The following BMS1 variants were observed in gnomAD, a reference collection of about 807,000 sequenced individuals.
BMS1 encodes BMS1 ribosome biogenesis factor, also known as ribosome biogenesis protein BMS1 homolog.
BMS1 carries 53 observed loss-of-function variants against 138.7 expected under a neutral mutation model. The observed-to-expected ratio is 0.38, with a 90% CI of 0.31 to 0.48. The LOEUF is 0.48. Ranked by LOEUF, BMS1 falls within the 20% of genes least tolerant of loss-of-function variation. The probability of loss-of-function intolerance (pLI) is 0.97; values close to 1 mark genes in which losing one functional copy is unlikely to be tolerated. For missense variants in BMS1, 1,360 were observed against 1,565.5 expected (o/e 0.87, Z 2.22); for synonymous variants, 504 against 539.9 (o/e 0.93, Z 0.92).
intron 13 of BMS1, among the ~76,000 whole-genome samples, chr10:42,802,922 C>A (rs1184977838): frequency 6.6e-6 from 1 of 152,022 alleles, no homozygotes; most frequent in Non-Finnish European, 1.5e-5. Flanking sequence ...TGAAATAATT[C>A]TTGGCTCACA....
At chr10:42,808,707 G>A (rs1002950630) in intron 13 of BMS1, among the ~76,000 whole-genome samples, 3 of 152,066 alleles carry the variant, frequency 2.0e-5, no homozygotes, top group Non-Finnish European at 4.4e-5. Flanking sequence ...TGAGATATGA[G>A]GCTTAGCTCA....
chr10:42,819,354 G>A (rs2132375152), intron 15 of BMS1, among the ~76,000 whole-genome samples: 1 of 152,358 alleles, frequency 6.6e-6, no homozygotes, highest in African/African-American at 2.4e-5. Context: ...GCCGCAGGTT[G>A]ATATGGACCA....
chr10:42,796,782 C>T lies in BMS1; in HGVS notation c.1538C>T (p.Ala513Val), dbSNP rs753842493. The T allele has an allele frequency of 5.7e-5, 92 of 1,613,970 alleles. 1 individual carries two copies. The Admixed American group carries it at 9.8e-4, about 17-fold the overall frequency. The change falls in exon 10 of 23, where the codon GCG (alanine) becomes GTG (valine). Residue 513 changes from alanine (A) to valine (V), a missense_variant. By Grantham distance (64) the Ala-to-Val change is moderately conservative. This residue lies in a region of BMS1 where 697 missense variants were observed against 686.2 expected (regional missense o/e 1.02). Coordinates refer to ENST00000374518, the MANE Select transcript of BMS1 (RefSeq NM_014753.4). ...GACGATGACCTTGAGAGGAGCTCAG[C>T]GGAAGAAGGGGAAGCGGAGGAAGCT... ...DSDDDLERSS[A>V]EEGEAEEADE...
At chr10:42,820,143 T>C in intron 15 of BMS1, 93 bp from the exon 16 acceptor site, 3 of 1,467,050 alleles carry the variant, frequency 2.0e-6, no homozygotes, top group Non-Finnish European at 2.8e-6. Context: ...TGTCCACAGT[T>C]CCTTTACTTA....
At chr10:42,823,311 C>G (rs377309083) in intron 20 of BMS1, 46 bp downstream of exon 20, 310 of 1,504,596 alleles carry the variant, frequency 2.1e-4, no homozygotes, top group African/African-American at 1.9e-3. Flanking sequence ...ACCATTCATG[C>G]TTGACTTCTA....
chr10:42,831,395 T>G lies in BMS1; in HGVS notation c.*299T>G, dbSNP rs1842797225. 4.0e-6 allele frequency: 1 copy of G among 251,928 alleles called. No homozygotes were observed. The highest frequency in any genetic ancestry group is 2.2e-5 in the African/African-American group (1 of 45,042). The allele number at this position is 251,928 out of a possible 1,614,324, so 15.6% of individuals were successfully genotyped here. A position where few individuals can be genotyped will look rare whatever the true frequency, so the allele number is the denominator to read the frequency against. On this transcript the variant is annotated 3_prime_UTR_variant, in exon 23 of 23. Coordinates refer to ENST00000374518, the MANE Select transcript of BMS1 (RefSeq NM_014753.4). ...CTACAGAAATATCATTAAAATATTT[T>G]TTTGTTACTTTTGGCTTAGTAGTTT...
chr10:42,789,492 A>G (rs1841438033), intron 4 of BMS1, among the ~76,000 whole-genome samples: 1 of 152,210 alleles, frequency 6.6e-6, no homozygotes, highest in Non-Finnish European at 1.5e-5. Context: ...CCAGGAATCA[A>G]TTCTGAAATT....
At chr10:42,824,853 GT>G (rs1842594332) in intron 21 of BMS1, among the ~76,000 whole-genome samples, 1 of 151,900 alleles carries the variant, frequency 6.6e-6, no homozygotes, top group Non-Finnish European at 1.5e-5. Flanking sequence ...CTATTTTTTT[GT>G]TTTTATGCCA....
In BMS1 at chr10:42,785,628, G is replaced by A. The variant is rs375112560; in HGVS notation, c.323G>A (p.Arg108Gln). The change falls in exon 3 of 23, where the codon CGG becomes CAG. Residue 108 changes from arginine (R) to glutamine (Q), a missense_variant. Physicochemically the swap from Arg to Gln is conservative, Grantham distance 43. Transcript: ENST00000374518. ...LIQCLIRNFTRQKLTEIRGPV... is the reference protein window; with the variant it reads ...LIQCLIRNFTQQKLTEIRGPV... ...CAATGCCTCATTCGGAACTTTACCC[G>A]GCAGAAGTTGACTGAGATCAGAGGC... is the stretch of plus-strand genomic sequence containing the variant. The A allele has an allele frequency of 6.6e-5, 106 of 1,613,888 alleles. No individual in the cohort carries two copies. Among genetic ancestry groups the A allele is most frequent in the African/African-American group, 3.9e-4 (29 of 75,026 alleles).
chr10:42,797,717 T>C (rs113393136), intron 11 of BMS1, among the ~76,000 whole-genome samples, 194 bp downstream of exon 11: 2 of 152,316 alleles, frequency 1.3e-5, no homozygotes, highest in African/African-American at 4.8e-5. Context: ...CTTATGGGTT[T>C]GCTGTAAAAC....
chr10:42,812,958 C>T (rs1346085119), intron 13 of BMS1, among the ~76,000 whole-genome samples: 5 of 152,258 alleles, frequency 3.3e-5, no homozygotes. Flanking sequence ...CAGGAAAACC[C>T]ACGGCTAGGC....
intron 21 of BMS1, among the ~76,000 whole-genome samples, chr10:42,828,426 G>A (rs946352364): frequency 1.3e-5 from 2 of 152,122 alleles, no homozygotes; most frequent in South Asian, 2.1e-4. Flanking sequence ...TTGCAGGTAC[G>A]GAGGGGCACA....
chr10:42,814,137 A>G (rs1456790136), intron 13 of BMS1, among the ~76,000 whole-genome samples: 2 of 152,192 alleles, frequency 1.3e-5, no homozygotes, highest in Non-Finnish European at 2.9e-5. Flanking sequence ...GTAAGTTTAT[A>G]TCTTTCACTA....
At position 42,793,087 on chromosome 10, in the gene BMS1, T is replaced by A; in HGVS notation, c.1032T>A (p.Gly344=). ...LVYAPLSGVG[G]VLYDKDAVYV... The stretch of plus-strand genomic sequence containing the variant: ...ATGCGCCTCTTTCTGGAGTTGGGGG[T>A]GTGCTGTATGACAAAGACGCTGTCT... Residue 344 remains glycine, a synonymous_variant, in exon 8 of 23, where the codon GGT becomes GGA. Coordinates refer to ENST00000374518, the MANE Select transcript of BMS1 (RefSeq NM_014753.4). 1 of 1,613,848 alleles carries A rather than the reference T, an allele frequency of 6.2e-7. No individual in the cohort carries two copies. Among genetic ancestry groups the A allele is most frequent in the South Asian group, 1.1e-5 (1 of 91,044 alleles).
At chr10:42,830,173 T>TCAACC (rs1226042919) in intron 21 of BMS1, 88 bp from the exon 22 acceptor site, 1 of 1,481,448 alleles carries the variant, frequency 6.8e-7, no homozygotes, top group Non-Finnish European at 9.2e-7. Context: ...TGTGGAAAAG[T>TCAACC]CAACCCATTG....
In BMS1 at chr10:42,833,002, A is replaced by C. The variant is rs189352007; in HGVS notation, c.*1906A>C. On this transcript the variant is annotated 3_prime_UTR_variant, in exon 23 of 23. Coordinates refer to ENST00000374518, the MANE Select transcript of BMS1 (RefSeq NM_014753.4). Reference sequence around the variant, plus strand: ...TTACAAGGTGATCAGCAAGTGTCTTATACAACAAGCAAATTTGTTCAAAGA... The same window carrying C: ...TTACAAGGTGATCAGCAAGTGTCTTCTACAACAAGCAAATTTGTTCAAAGA... The C allele has an allele frequency of 4.3e-4, 65 of 152,376 alleles. 1 individual carries two copies. Among genetic ancestry groups the C allele is most frequent in the African/African-American group, 1.5e-3 (61 of 41,590 alleles). The allele number at this position is 152,376 out of a possible 1,614,324, so 9.4% of individuals were successfully genotyped here. A position where few individuals can be genotyped will look rare whatever the true frequency, so the allele number is the denominator to read the frequency against.
chr10:42,808,472 T>C (rs998683914), intron 13 of BMS1, among the ~76,000 whole-genome samples: 1 of 151,804 alleles, frequency 6.6e-6, no homozygotes, highest in Non-Finnish European at 1.5e-5. Context: ...CTAATTTTTT[T>C]GTATTTTTAG....
intron 12 of BMS1, among the ~76,000 whole-genome samples, chr10:42,801,146 A>AG (rs1841865940): frequency 1.3e-5 from 2 of 152,230 alleles, no homozygotes; most frequent in Admixed American, 1.3e-4. Context: ...GCCTAGGCAT[A>AG]GGAATGCTAC....
chr10:42,805,328 A>G (rs1252416136), intron 13 of BMS1, among the ~76,000 whole-genome samples: 1 of 151,986 alleles, frequency 6.6e-6, no homozygotes, highest in Non-Finnish European at 1.5e-5. Flanking sequence ...TTCCATTGAT[A>G]TATTTGTTTA....
Sources: allele counts gnomAD v4.1 joint callset (sites outside exome capture counted in the v4.1 genomes callset), GRCh38; gene constraint gnomAD v4.1.1; regional missense constraint gnomAD v4.1.1; transcripts MANE v1.5; gene names NCBI Gene and HGNC (gene_info 2026-07-23, HGNC 2026-07-21).